The following SEZ6 variants were observed in gnomAD, a reference collection of about 807,000 sequenced individuals.
SEZ6 encodes the protein seizure protein 6 homolog.
SEZ6 carries 53 observed loss-of-function variants against 101.0 expected under a neutral mutation model. The ratio of observed to expected loss-of-function variants is 0.52; its 90% confidence interval spans 0.42 to 0.66. SEZ6 has a LOEUF of 0.66. Ranked by LOEUF, SEZ6 falls within the 30% of genes least tolerant of loss-of-function variation. The pLI is 0.00. For synonymous variants in SEZ6, 488 were observed against 512.2 expected, an observed-to-expected ratio of 0.95 and a Z score of 0.64; for missense variants, 1,102 against 1,289.4, an observed-to-expected ratio of 0.85 and a Z score of 2.23.
Position 29,005,853 on chromosome 17 carries a change from A to G in SEZ6, c.17T>C (p.Leu6Pro), listed in dbSNP as rs1254519287. 3 of 1,478,678 alleles carry G rather than the reference A, an allele frequency of 2.0e-6. No homozygotes were observed. The highest frequency in any genetic ancestry group is 2.9e-5 in the African/African-American group (2 of 68,390). 91.6% of individuals were successfully genotyped at this position (1,478,678 alleles called of 1,614,324 possible). A position where few individuals can be genotyped will look rare whatever the true frequency, so the allele number is the denominator to read the frequency against. The change falls in exon 1 of 17, where the codon CTG becomes CCG. Residue 6 changes from leucine to proline, a missense_variant. Around this residue, in one of 3 missense-constraint regions of SEZ6, gnomAD observed 406 missense variants for 418.6 expected, o/e 0.97. Transcript: ENST00000317338. This position sits in a 1 kb window ranked among gnomAD's most constrained non-coding sequence, Gnocchi z 4.8. ...CGCCAGCAGCGAGGGCAGGAGCAGC[A>G]GGGCTACCGGGCGCATGGTGCTGGT... MRPVA[L>P]LLLPSLLALL...
At chr17:29,000,832 G>T (rs766976356) in intron 1 of SEZ6, among the ~76,000 whole-genome samples, 2 of 152,072 alleles carry the variant, frequency 1.3e-5, no homozygotes, top group South Asian at 2.1e-4. Context: ...GCTGTTATAG[G>T]GGGGGTGGTC....
At chr17:28,968,603 C>CGATG (rs1445874226) in intron 4 of SEZ6, among the ~76,000 whole-genome samples, 3 of 152,176 alleles carry the variant, frequency 2.0e-5, no homozygotes, top group African/African-American at 7.2e-5. Flanking sequence ...ACTCTACAGC[C>CGATG]CCATCCACTT....
chr17:28,956,027 C>T (rs763510311), intron 16 of SEZ6, 33 bp from the exon 17 acceptor site: 15 of 1,610,886 alleles, frequency 9.3e-6, no homozygotes, highest in Admixed American at 1.7e-5. Context: ...ATTAGGTTTG[C>T]CAGGCCATAA....
At chr17:28,972,095 CCTT>C (rs767341249) in intron 3 of SEZ6, among the ~76,000 whole-genome samples, 9 of 152,394 alleles carry the variant, frequency 5.9e-5, no homozygotes, top group Non-Finnish European at 1.3e-4. Context: ...CAATATCTTC[CCTT>C]CTTCCCCTCC....
intron 4 of SEZ6, among the ~76,000 whole-genome samples, chr17:28,968,785 A>G (rs545286132): frequency 1.3e-5 from 2 of 152,278 alleles, no homozygotes; most frequent in East Asian, 3.9e-4. Context: ...ACAATGCAAG[A>G]CAATCCCTTG....
intron 13 of SEZ6, 37 bp from the exon 14 acceptor site, chr17:28,956,794 G>A (rs1192258228): frequency 6.4e-7 from 1 of 1,554,398 alleles, no homozygotes; most frequent in Non-Finnish European, 8.7e-7. Flanking sequence ...CAGTGAGTGA[G>A]CCCAATGGGC....
At chr17:28,963,063 G>A (rs1362129181) in intron 5 of SEZ6, among the ~76,000 whole-genome samples, 1 of 151,444 alleles carries the variant, frequency 6.6e-6, no homozygotes, top group Non-Finnish European at 1.5e-5. Context: ...GGCAGAGCTT[G>A]CAGTGAGCCG....
Position 28,959,296 on chromosome 17 carries a change from C to T in SEZ6, c.1910+38G>A, listed in dbSNP as rs748828997. On this transcript the variant is annotated intron_variant, in intron 9 of 16. Coordinates refer to ENST00000317338, the MANE Select transcript of SEZ6 (RefSeq NM_178860.5). This position sits in a 1 kb window ranked among gnomAD's most constrained non-coding sequence, Gnocchi z 4.4. The stretch of plus-strand genomic sequence containing the variant: ...GGCTGGACAAGGGATATCCCCAGAC[C>T]TCAGGAGTTGGCTCGGCCTGACCCG... The T allele has an allele frequency of 8.7e-6, 14 of 1,613,782 alleles. No individual in the cohort carries two copies. The African/African-American group carries it at 1.3e-4, about 15-fold the overall frequency.
chr17:28,974,548 G>T (rs1369913252), intron 3 of SEZ6, among the ~76,000 whole-genome samples: 1 of 152,192 alleles, frequency 6.6e-6, no homozygotes, highest in South Asian at 2.1e-4. Context: ...AATAAGGGAG[G>T]CAGGGCAGGC....
rs992255987 is a variant in SEZ6, at chr17:28,956,396, C to A, written c.2803G>T (p.Val935Leu). ...CCTCCTACCAACAACACCATCGCCA[C>A]CAGTGGCAAGAAGATGGCAGCTGCA... Reference protein sequence around the residue: ...HIAAAIFLPLVAMVLLVGGVY... With the variant: ...HIAAAIFLPLLAMVLLVGGVY... Residue 935 changes from valine to leucine, a missense_variant, in exon 15 of 17, where the codon GTG (valine) becomes TTG (leucine). Transcript: ENST00000317338. 6.4e-7 allele frequency: 1 copy of A among 1,571,974 alleles called. No individual in the cohort carries two copies. The highest frequency in any genetic ancestry group is 1.4e-5 in the African/African-American group (1 of 73,976).
chr17:28,961,378 T>TA (rs929423942), intron 5 of SEZ6, among the ~76,000 whole-genome samples: 6 of 152,200 alleles, frequency 3.9e-5, no homozygotes, highest in African/African-American at 1.4e-4. Flanking sequence ...CTGCTACTTC[T>TA]ACCTCATGCC....
rs552630485 is a variant in SEZ6, at chr17:28,954,984, C to G, written c.*978G>C. On this transcript the variant is annotated 3_prime_UTR_variant, in exon 17 of 17. Transcript: ENST00000317338. The stretch of plus-strand genomic sequence containing the variant: ...ACAGAAATAAAAGATTGTTCTCTGG[C>G]TGGAGCCCAGACCCCATATAATACA... 7.1e-6 allele frequency: 1 copy of G among 140,428 alleles called. No homozygotes were observed. Among genetic ancestry groups the G allele is most frequent in the South Asian group, 2.4e-4 (1 of 4,196 alleles). The allele number at this position is 140,428 out of a possible 1,614,324, so 8.7% of individuals were successfully genotyped here.
intron 1 of SEZ6, among the ~76,000 whole-genome samples, chr17:29,003,438 T>G (rs1489817468): frequency 6.6e-6 from 1 of 152,234 alleles, no homozygotes; most frequent in African/African-American, 2.4e-5. Context: ...CCAAGGCATC[T>G]GGGCCGTGCC....
chr17:28,987,933 G>A (rs1432059428), intron 1 of SEZ6, among the ~76,000 whole-genome samples: 3 of 152,048 alleles, frequency 2.0e-5, no homozygotes, highest in Non-Finnish European at 4.4e-5. Flanking sequence ...GCTGGCTTTC[G>A]GCTGTAGCAC....
chr17:28,986,430 G>A (rs1423934642), intron 1 of SEZ6, among the ~76,000 whole-genome samples: 1 of 152,242 alleles, frequency 6.6e-6, no homozygotes, highest in African/African-American at 2.4e-5. Flanking sequence ...GATGGGGGGC[G>A]GGGCCCAGCC....
intron 5 of SEZ6, among the ~76,000 whole-genome samples, chr17:28,961,767 A>C (rs1598181545): frequency 6.6e-6 from 1 of 152,172 alleles, no homozygotes; most frequent in South Asian, 2.1e-4. Flanking sequence ...AGGCAAGAGG[A>C]GTATGGCTGG....
chr17:28,987,523 G>A (rs1267799868), intron 1 of SEZ6, among the ~76,000 whole-genome samples: 2 of 152,176 alleles, frequency 1.3e-5, no homozygotes, highest in African/African-American at 4.8e-5. Context: ...CCATCTGCTT[G>A]TATTGACAGG....
chr17:28,973,131 C>T lies in SEZ6; in HGVS notation c.859-3179G>A, dbSNP rs369837721. Among the ~76,000 whole-genome samples, 7 of 152,240 alleles carry T rather than the reference C, an allele frequency of 4.6e-5. 1 individual carries two copies. Among genetic ancestry groups the T allele is most frequent in the East Asian group, 3.9e-4 (2 of 5,180 alleles). Reference sequence around the variant, plus strand: ...GTCAAGCCTTGTATTGTACTAAGTGCTTTTCATCCTCACCGTGAATCTATA... The same window carrying T: ...GTCAAGCCTTGTATTGTACTAAGTGTTTTTCATCCTCACCGTGAATCTATA... On this transcript the variant is annotated intron_variant, in intron 3 of 16. Coordinates refer to ENST00000317338, the MANE Select transcript of SEZ6 (RefSeq NM_178860.5).
chr17:28,968,495 C>A (rs1386043470), intron 4 of SEZ6, among the ~76,000 whole-genome samples: 2 of 152,196 alleles, frequency 1.3e-5, no homozygotes, highest in African/African-American at 2.4e-5. Context: ...TGAAATTATG[C>A]CTGCTGCCAG....
Sources: allele counts gnomAD v4.1 joint callset (sites outside exome capture counted in the v4.1 genomes callset), GRCh38; gene constraint gnomAD v4.1.1; regional missense constraint gnomAD v4.1.1; non-coding constraint Gnocchi (gnomAD v3.1); transcripts MANE v1.5; gene names NCBI Gene and HGNC (gene_info 2026-07-23, HGNC 2026-07-21).